Variants in AFG3L2 observed in about 807,000 individuals in gnomAD.
AFG3L2 encodes AFG3 like matrix AAA peptidase subunit 2.
In AFG3L2, 54 loss-of-function variants were observed where a neutral mutation model predicts 94.5. The observed-to-expected ratio is 0.57, with a 90% confidence interval of 0.46 to 0.72. AFG3L2 has a LOEUF of 0.72. AFG3L2 is among the 30% of genes least tolerant of loss of function. The probability of loss-of-function intolerance (pLI) is 0.00; values close to 1 mark genes in which losing one functional copy is unlikely to be tolerated. For synonymous variants in AFG3L2, 377 were observed against 365.5 expected (o/e 1.03, Z -0.36); for missense variants, 754 against 994.9 (o/e 0.76, Z 3.26).
At chr18:12,361,106 G>A (rs1444327509) in intron 6 of AFG3L2, among the ~76,000 whole-genome samples, 2 of 152,208 alleles carry the variant, frequency 1.3e-5, no homozygotes, top group Non-Finnish European at 2.9e-5. Flanking sequence ...GCTGGGCACA[G>A]TGGCCAGTAA....
At chr18:12,352,919 A>C in intron 10 of AFG3L2, 86 bp downstream of exon 10, 1 of 1,578,086 alleles carries the variant, frequency 6.3e-7, no homozygotes, top group South Asian at 1.1e-5. Flanking sequence ...CACACCACTC[A>C]CTTCAGCCTG....
intron 1 of AFG3L2, among the ~76,000 whole-genome samples, chr18:12,372,045 C>T (rs1909008311): frequency 6.6e-6 from 1 of 152,202 alleles, no homozygotes; most frequent in African/African-American, 2.4e-5. Context: ...GTGGCTCACA[C>T]CTGTAATCCC....
chr18:12,334,112 G>C (rs1418587504), intron 16 of AFG3L2, among the ~76,000 whole-genome samples: 2 of 152,234 alleles, frequency 1.3e-5, no homozygotes, highest in East Asian at 3.9e-4. Flanking sequence ...CCCTCGCAGA[G>C]TCTGGAAGGC....
rs59714340 is a variant in AFG3L2 at position 12,356,154 on chromosome 18, T to A, written c.1164+540A>T. On this transcript the variant is annotated intron_variant, in intron 9 of 16. Transcript: ENST00000269143. Reference sequence around the variant, plus strand: ...AAAAAAATCCACAAATAAAGCAAAATTTTTTTTTTTTTTTTGAGACAGCGT... The same window carrying A: ...AAAAAAATCCACAAATAAAGCAAAAATTTTTTTTTTTTTTTGAGACAGCGT... Among the ~76,000 whole-genome samples, 1,309 of 135,914 alleles carry A rather than the reference T, an allele frequency of 9.6e-3. 13 individuals carry two copies. Among genetic ancestry groups the A allele is most frequent in the African/African-American group, 0.032 (1,112 of 34,236 alleles). The allele number at this position is 135,914 out of a possible 152,430, so 89.2% of individuals were successfully genotyped here.
chr18:12,376,866 TGCGGCCGGAGG>T lies in AFG3L2; in HGVS notation c.114+92_114+102del. The stretch of plus-strand genomic sequence containing the variant: ...AGGCCCTCGGCAGGGACGGCCCGCG[TGCGGCCGGAGG>T]GCGGGGGCCAGTGACCTTGACGTCC... On this transcript the variant is annotated intron_variant, in intron 1 of 16. Coordinates refer to ENST00000269143, the MANE Select transcript of AFG3L2 (RefSeq NM_006796.3). The T allele has an allele frequency of 3.3e-6, 3 of 907,180 alleles. No individual in the cohort carries two copies. The East Asian group carries it at 1.1e-4, about 32-fold the overall frequency. 56.2% of individuals were successfully genotyped at this position (907,180 alleles called of 1,614,324 possible).
chr18:12,377,185 G>T lies in AFG3L2; in HGVS notation c.-103C>A, dbSNP rs1227688874. ...GCTCGGCTCGGGGAAAGGCCGCCAG[G>T]CAGCGAAGCGCGCCGGCGGCTCACG... On this transcript the variant is annotated 5_prime_UTR_variant, in exon 1 of 17. Coordinates refer to ENST00000269143, the MANE Select transcript of AFG3L2 (RefSeq NM_006796.3). The T allele has an allele frequency of 1.1e-6, 1 of 887,994 alleles. No homozygotes were observed. Among genetic ancestry groups the T allele is most frequent in the Non-Finnish European group, 1.6e-6 (1 of 608,502 alleles). 55.0% of individuals were successfully genotyped at this position (887,994 alleles called of 1,614,324 possible).
intron 1 of AFG3L2, among the ~76,000 whole-genome samples, chr18:12,373,113 G>A (rs1228291454): frequency 6.6e-6 from 1 of 152,202 alleles, no homozygotes; most frequent in East Asian, 1.9e-4. Flanking sequence ...ATTCCACACA[G>A]CAAAACAGGA....
chr18:12,350,560 A>G (rs1192632090), intron 12 of AFG3L2, among the ~76,000 whole-genome samples: 2 of 152,252 alleles, frequency 1.3e-5, no homozygotes, highest in Admixed American at 6.5e-5. Context: ...GATGTGAATT[A>G]GTAATTGTTC....
chr18:12,351,983 C>T (rs1015821986), intron 10 of AFG3L2, among the ~76,000 whole-genome samples: 2 of 152,116 alleles, frequency 1.3e-5, no homozygotes, highest in Non-Finnish European at 2.9e-5. Flanking sequence ...TTAAATTTAA[C>T]TAGAAATTTA....
At chr18:12,341,010 G>A (rs1187417541) in intron 14 of AFG3L2, 1 of 152,790 alleles carries the variant, frequency 6.5e-6, no homozygotes, top group Non-Finnish European at 1.4e-5. Flanking sequence ...CCCCCACCTT[G>A]GCCTCCCAAA....
intron 1 of AFG3L2, among the ~76,000 whole-genome samples, chr18:12,374,242 T>C (rs1909074985): frequency 6.6e-6 from 1 of 152,204 alleles, no homozygotes; most frequent in Non-Finnish European, 1.5e-5. Flanking sequence ...CAAAGAATAA[T>C]GTAAGAGATA....
chr18:12,340,538 A>G (rs901358693), intron 14 of AFG3L2, 137 bp from the exon 15 acceptor site: 18 of 756,058 alleles, frequency 2.4e-5, no homozygotes, highest in Non-Finnish European at 4.0e-5. Context: ...GTGGGATGTG[A>G]TCTAGCAGTG....
intron 3 of AFG3L2, 111 bp downstream of exon 3, chr18:12,370,738 C>T (rs781199479): frequency 2.7e-5 from 21 of 768,308 alleles, no homozygotes; most frequent in Non-Finnish European, 4.6e-5. Context: ...GGATTACAGG[C>T]GTGAGACACT....
intron 10 of AFG3L2, 125 bp from the exon 11 acceptor site, chr18:12,351,538 T>C: frequency 1.2e-6 from 1 of 850,854 alleles, no homozygotes; most frequent in Admixed American, 2.3e-5. Flanking sequence ...ATTCATTATC[T>C]AGTGTTTTTT....
At chr18:12,360,457 T>G (rs548286891) in intron 6 of AFG3L2, among the ~76,000 whole-genome samples, 16 of 152,232 alleles carry the variant, frequency 1.1e-4, no homozygotes, top group Non-Finnish European at 8.8e-5. Context: ...TTACTGGGCA[T>G]GTACTAAGTA....
At chr18:12,366,309 T>TA (rs1292288874) in intron 5 of AFG3L2, among the ~76,000 whole-genome samples, 2 of 152,264 alleles carry the variant, frequency 1.3e-5, no homozygotes, top group Non-Finnish European at 2.9e-5. Context: ...AAATACCATG[T>TA]GTCTTACAAT....
In AFG3L2 at chr18:12,377,157, C is replaced by T. The variant is rs1191955672; in HGVS notation, c.-75G>A. ...GGCGACGACTGGCGGCCTCGGGAAG[C>T]GGGCTCGGCTCGGGGAAAGGCCGCC... On this transcript the variant is annotated 5_prime_UTR_variant, in exon 1 of 17. Coordinates refer to ENST00000269143, the MANE Select transcript of AFG3L2 (RefSeq NM_006796.3). 2 of 1,168,954 alleles carry T rather than the reference C, an allele frequency of 1.7e-6. No homozygotes were observed. Among genetic ancestry groups the T allele is most frequent in the Non-Finnish European group, 1.1e-6 (1 of 870,888 alleles). 72.4% of individuals were successfully genotyped at this position (1,168,954 alleles called of 1,614,324 possible).
intron 16 of AFG3L2, among the ~76,000 whole-genome samples, chr18:12,335,496 G>A (rs1052344252): frequency 6.6e-6 from 1 of 151,808 alleles, no homozygotes; most frequent in Non-Finnish European, 1.5e-5. Context: ...TCAAGCCCTC[G>A]AAGCTCTCTC....
chr18:12,340,456 A>C (rs1907912660), intron 14 of AFG3L2, 55 bp from the exon 15 acceptor site: 1 of 1,348,446 alleles, frequency 7.4e-7, no homozygotes, highest in Admixed American at 1.7e-5. Context: ...ACTTGATCAA[A>C]ACATCTGTGT....
Sources: allele counts gnomAD v4.1 joint callset (sites outside exome capture counted in the v4.1 genomes callset), GRCh38; gene constraint gnomAD v4.1.1; transcripts MANE v1.5; gene names NCBI Gene and HGNC (gene_info 2026-07-23, HGNC 2026-07-21).